The following LHFPL3 variants were observed in gnomAD, a reference collection of about 807,000 sequenced individuals.
LHFPL3 encodes the protein LHFPL tetraspan subfamily member 3 protein.
In LHFPL3, 5 loss-of-function variants were observed where a neutral mutation model predicts 19.3. That is an observed-to-expected ratio of 0.26 (90% CI 0.14 to 0.54). The LOEUF is 0.54. Among genes scored for constraint, LHFPL3 ranks in the 20% least tolerant of loss-of-function variants. The pLI is 0.94. For synonymous variants in LHFPL3, 133 were observed against 126.2 expected (o/e 1.05, Z -0.36); for missense variants, 249 against 307.4 (o/e 0.81, Z 1.42).
At chr7:104,572,338 T>A (rs571145019) in intron 1 of LHFPL3, among the ~76,000 whole-genome samples, 1 of 152,358 alleles carries the variant, frequency 6.6e-6, no homozygotes, top group Non-Finnish European at 1.5e-5. Flanking sequence ...TTTGGAGATG[T>A]GGCTTTAGAG....
At chr7:104,799,163 C>T (rs187888458) in intron 2 of LHFPL3, among the ~76,000 whole-genome samples, 94 of 152,282 alleles carry the variant, frequency 6.2e-4, no homozygotes, top group African/African-American at 2.2e-3. Context: ...TTTATTTTTG[C>T]CCTGTTCTCA....
At chr7:104,345,261 A>C (rs1790041556) in intron 1 of LHFPL3, among the ~76,000 whole-genome samples, 1 of 152,114 alleles carries the variant, frequency 6.6e-6, no homozygotes, top group Non-Finnish European at 1.5e-5. Flanking sequence ...ATGTTCTTTA[A>C]CTCAATTTTG....
intron 1 of LHFPL3, among the ~76,000 whole-genome samples, chr7:104,593,030 C>G (rs936635846): frequency 2.0e-5 from 3 of 152,148 alleles, no homozygotes; most frequent in Non-Finnish European, 4.4e-5. Context: ...TTTTGTGTCT[C>G]TATTTCCTTC....
intron 1 of LHFPL3, among the ~76,000 whole-genome samples, chr7:104,369,178 C>T (rs1412846103): frequency 6.6e-6 from 1 of 152,024 alleles, no homozygotes; most frequent in Non-Finnish European, 1.5e-5. Flanking sequence ...TTACCATCAA[C>T]CCCCCCAAAA....
intron 1 of LHFPL3, among the ~76,000 whole-genome samples, chr7:104,495,470 A>G (rs760298375): frequency 5.9e-5 from 9 of 152,044 alleles, no homozygotes; most frequent in Non-Finnish European, 8.8e-5. Flanking sequence ...TGCAAGCTCC[A>G]CCTTCCGGGT....
intron 1 of LHFPL3, among the ~76,000 whole-genome samples, chr7:104,618,105 T>G (rs1387160056): frequency 1.3e-5 from 2 of 152,202 alleles, no homozygotes; most frequent in Non-Finnish European, 2.9e-5. Flanking sequence ...CTGCAGAAAT[T>G]ATGTGTCAAT....
At chr7:104,504,205 A>G (rs536743800) in intron 1 of LHFPL3, among the ~76,000 whole-genome samples, 1 of 152,264 alleles carries the variant, frequency 6.6e-6, no homozygotes, top group Non-Finnish European at 1.5e-5. Flanking sequence ...GAAGAAAATC[A>G]TAGAAAAATA....
intron 1 of LHFPL3, among the ~76,000 whole-genome samples, chr7:104,676,916 G>T (rs186283621): frequency 6.6e-6 from 1 of 152,330 alleles, no homozygotes; most frequent in Non-Finnish European, 1.5e-5. Flanking sequence ...ACAGTCATTG[G>T]TGAGGGCAGA....
rs573172446 is a variant in LHFPL3, at chr7:104,604,589, T to C, written c.446-132086T>C. Among the ~76,000 whole-genome samples the C allele has an allele frequency of 2.0e-5, 3 of 152,342 alleles. No homozygotes were observed. The East Asian group carries it at 5.8e-4, about 29-fold the overall frequency. ...AATTTTTCAAATCTTTCCATTTTGCTTCTCTTTTAATTATAAGTTTCATAT... is the reference window on the plus strand; with the variant it reads ...AATTTTTCAAATCTTTCCATTTTGCCTCTCTTTTAATTATAAGTTTCATAT... On this transcript the variant is annotated intron_variant, in intron 1 of 2. Coordinates refer to ENST00000424859, the MANE Select transcript of LHFPL3 (RefSeq NM_199000.3).
intron 2 of LHFPL3, among the ~76,000 whole-genome samples, chr7:104,788,738 G>A (rs139010759): frequency 2.6e-5 from 4 of 152,284 alleles, no homozygotes; most frequent in East Asian, 3.9e-4. Flanking sequence ...AACCGTTTGC[G>A]AGCAAGGATA....
chr7:104,518,850 A>AGATAAATAGATAGATAG (rs748597414), intron 1 of LHFPL3, among the ~76,000 whole-genome samples: 2 of 139,980 alleles, frequency 1.4e-5, no homozygotes, highest in African/African-American at 5.3e-5. Context: ...TAGATAGAAT[A>AGATAAATAGATAGATAG]AATAAAAAAA....
At chr7:104,614,589 CTCTCTTCTCTTCTCTTCTCTTCTCT>C (rs148097671) in intron 1 of LHFPL3, among the ~76,000 whole-genome samples, 14 of 63,924 alleles carry the variant, frequency 2.2e-4, no homozygotes, top group Admixed American at 8.5e-4. Flanking sequence ...CTTCTCTTCT[CTCTCTTCTCTTCTCTTCTCTTCTCT>C]TCTCTTCTCT....
chr7:104,329,827 A>G (rs1162495762), intron 1 of LHFPL3, among the ~76,000 whole-genome samples: 1 of 152,224 alleles, frequency 6.6e-6, no homozygotes, highest in East Asian at 1.9e-4. Context: ...TGTAAGAAGA[A>G]TGTAGCTTAG....
chr7:104,398,980 G>T (rs1791254164), intron 1 of LHFPL3, among the ~76,000 whole-genome samples: 3 of 152,188 alleles, frequency 2.0e-5, no homozygotes, highest in Admixed American at 1.3e-4. Context: ...GTTAGGTTCT[G>T]TTGGTGTTGA....
rs957977918 is a variant in LHFPL3 at position 104,727,228 on chromosome 7, G to A, written c.446-9447G>A. ...GTCCCTCGTAGATTCTAAATATTAG[G>A]CCTTTGTCAGATAGATAGATTGCAA... On this transcript the variant is annotated intron_variant, in intron 1 of 2. Coordinates refer to ENST00000424859, the MANE Select transcript of LHFPL3 (RefSeq NM_199000.3). Among the ~76,000 whole-genome samples the A allele has an allele frequency of 2.6e-5, 4 of 151,984 alleles. No homozygotes were observed. The East Asian group carries it at 5.8e-4, about 22-fold the overall frequency.
intron 1 of LHFPL3, among the ~76,000 whole-genome samples, chr7:104,636,068 A>G (rs1312850850): frequency 6.6e-6 from 1 of 152,226 alleles, no homozygotes; most frequent in African/African-American, 2.4e-5. Context: ...ACAGAATCAT[A>G]TCAACTTTCT....
intron 2 of LHFPL3, among the ~76,000 whole-genome samples, chr7:104,764,349 G>T (rs1309503210): frequency 6.6e-6 from 1 of 152,062 alleles, no homozygotes; most frequent in East Asian, 1.9e-4. Flanking sequence ...TTCTGTATTT[G>T]TAGGAGAGAT....
chr7:104,431,635 A>G (rs1289801482), intron 1 of LHFPL3, among the ~76,000 whole-genome samples: 2 of 152,212 alleles, frequency 1.3e-5, no homozygotes, highest in East Asian at 3.8e-4. Context: ...TTTTTGGGAC[A>G]TCATAAGCCT....
chr7:104,346,421 A>G (rs13234807), intron 1 of LHFPL3, among the ~76,000 whole-genome samples: 83,055 of 151,522 alleles, frequency 0.55, 23,611 homozygotes, highest in East Asian at 0.71. Context: ...CCTTTGCTTA[A>G]CTGTGTGGCC....
Sources: gnomAD v4.1 joint callset for allele counts (sites outside exome capture counted in the v4.1 genomes callset) on GRCh38, gnomAD v4.1.1 for gene constraint, MANE v1.5 for transcripts, NCBI Gene and HGNC (gene_info 2026-07-23, HGNC 2026-07-21) for gene names.